PCDH9: variants seen among roughly 807,000 people sequenced by gnomAD.
PCDH9 encodes the protein protocadherin 9, also known as protocadherin-9.
Under a neutral mutation model 70.6 loss-of-function variants are expected in PCDH9, and 24 were observed. The observed-to-expected ratio is 0.34, with a 90% CI of 0.25 to 0.48. The LOEUF is 0.48. Ranked by LOEUF, PCDH9 falls within the 20% of genes least tolerant of loss-of-function variation. The pLI is 0.99. For synonymous variants in PCDH9, 562 were observed against 558.5 expected (o/e 1.01, Z -0.09); for missense variants, 1,281 against 1,503.6 (o/e 0.85, Z 2.45).
At chr13:67,020,044 T>C (rs1246861318) in intron 2 of PCDH9, among the ~76,000 whole-genome samples, 1 of 152,246 alleles carries the variant, frequency 6.6e-6, no homozygotes, top group Non-Finnish European at 1.5e-5. Flanking sequence ...TTCCTGCAAG[T>C]AAACCTTTGA....
At position 66,610,158 on chromosome 13, in the gene PCDH9, A is replaced by G. The variant is rs533958015; in HGVS notation, c.3340+21052T>C. On this transcript the variant is annotated intron_variant, in intron 4 of 4. Coordinates refer to ENST00000377865, the MANE Select transcript of PCDH9 (RefSeq NM_203487.3). ...AGATCTTGTTCATCATGCTTTGCTT[A>G]TATTATTACTAATGCATCAAATATC... 7.4e-4 allele frequency among the ~76,000 whole-genome samples: 113 copies of G among 152,098 alleles called. 1 individual carries two copies. Among genetic ancestry groups the G allele is most frequent in the African/African-American group, 2.6e-3 (109 of 41,492 alleles).
At chr13:67,134,075 TAAC>T (rs1347562351) in intron 2 of PCDH9, among the ~76,000 whole-genome samples, 1 of 152,140 alleles carries the variant, frequency 6.6e-6, no homozygotes, top group Non-Finnish European at 1.5e-5. Context: ...TTGAACAATT[TAAC>T]TTCTCATAAT....
chr13:66,751,251 C>G lies in PCDH9; in HGVS notation c.3139-119840G>C, dbSNP rs183684386. ...TTTTATAGATACATGAAAAGAATTG[C>G]CCCTGGCTCAATTCTTCTATCTCCT... On this transcript the variant is annotated intron_variant, in intron 3 of 4. Coordinates refer to ENST00000377865, the MANE Select transcript of PCDH9 (RefSeq NM_203487.3). 3.0e-3 allele frequency among the ~76,000 whole-genome samples: 452 copies of G among 152,040 alleles called. 1 individual carries two copies. Among genetic ancestry groups the G allele is most frequent in the Non-Finnish European group, 4.5e-3 (303 of 67,976 alleles).
In PCDH9 at chr13:66,676,512, C is replaced by G. The variant is rs960628659; in HGVS notation, c.3139-45101G>C. On this transcript the variant is annotated intron_variant, in intron 3 of 4. Transcript: ENST00000377865. ...TAATTCTTATATGACTTAAGATATA[C>G]GCTTCAAACTTGGAAAGTTGTAGAG... Among the ~76,000 whole-genome samples the G allele has an allele frequency of 9.2e-5, 14 of 152,152 alleles. No individual in the cohort carries two copies. In the East Asian group the frequency reaches 2.7e-3, roughly 29 times the overall value.
chr13:66,543,113 T>C (rs1025558658), intron 4 of PCDH9, among the ~76,000 whole-genome samples: 2 of 152,056 alleles, frequency 1.3e-5, no homozygotes, highest in African/African-American at 4.8e-5. Flanking sequence ...TATATTCTCA[T>C]TAACGTAATG....
intron 2 of PCDH9, among the ~76,000 whole-genome samples, chr13:67,160,502 G>C (rs375291322): frequency 6.6e-6 from 1 of 151,726 alleles, no homozygotes; most frequent in Non-Finnish European, 1.5e-5. Flanking sequence ...AGCTGAGATC[G>C]CGCCACTGCA....
chr13:66,341,011 A>G (rs959992829), intron 4 of PCDH9, among the ~76,000 whole-genome samples: 3 of 152,224 alleles, frequency 2.0e-5, no homozygotes, highest in Non-Finnish European at 2.9e-5. Flanking sequence ...CTATATTCCT[A>G]TAGTAAAATT....
intron 4 of PCDH9, among the ~76,000 whole-genome samples, chr13:66,436,823 C>A (rs1328225358): frequency 3.9e-5 from 6 of 151,988 alleles, no homozygotes; most frequent in Admixed American, 3.9e-4. Flanking sequence ...CAAGACAAAG[C>A]TTCATGAGCA....
At chr13:66,618,912 G>GT (rs1158525229) in intron 4 of PCDH9, among the ~76,000 whole-genome samples, 1 of 152,098 alleles carries the variant, frequency 6.6e-6, no homozygotes, top group Non-Finnish European at 1.5e-5. Context: ...CTTTACACTA[G>GT]GAGGCATAAA....
At chr13:66,984,523 C>A (rs572217004) in intron 2 of PCDH9, among the ~76,000 whole-genome samples, 1 of 152,002 alleles carries the variant, frequency 6.6e-6, no homozygotes, top group South Asian at 2.1e-4. Flanking sequence ...ATCACTGAAA[C>A]CATCTGGTCT....
chr13:66,773,258 A>G (rs893335913), intron 3 of PCDH9, among the ~76,000 whole-genome samples: 7 of 152,192 alleles, frequency 4.6e-5, no homozygotes, highest in Non-Finnish European at 8.8e-5. Flanking sequence ...GTGCTCTCCA[A>G]TACAGTAGCT....
intron 3 of PCDH9, among the ~76,000 whole-genome samples, chr13:66,889,124 C>T (rs192715930): frequency 2.5e-3 from 383 of 152,136 alleles, no homozygotes; most frequent in Non-Finnish European, 4.0e-3. Flanking sequence ...TGGCCATAAG[C>T]GAGTAGATAG....
At chr13:66,955,438 A>G (rs891669999) in intron 2 of PCDH9, among the ~76,000 whole-genome samples, 1 of 152,232 alleles carries the variant, frequency 6.6e-6, no homozygotes, top group Non-Finnish European at 1.5e-5. Context: ...TTTAAAGGTT[A>G]TCAAGCACAT....
intron 4 of PCDH9, among the ~76,000 whole-genome samples, chr13:66,616,047 G>A (rs370106742): frequency 6.6e-6 from 1 of 152,192 alleles, no homozygotes; most frequent in Non-Finnish European, 1.5e-5. Flanking sequence ...TTACAGAGCC[G>A]ATAGAAGCCC....
chr13:66,768,581 A>G (rs2079756490), intron 3 of PCDH9, among the ~76,000 whole-genome samples: 1 of 152,120 alleles, frequency 6.6e-6, no homozygotes, highest in South Asian at 2.1e-4. Context: ...AATATTTTTA[A>G]CAGCTTAGAA....
intron 4 of PCDH9, among the ~76,000 whole-genome samples, chr13:66,329,480 C>G (rs166502): frequency 0.019 from 2,941 of 152,270 alleles, 97 homozygotes; most frequent in African/African-American, 0.066. Context: ...CAGCCCTGTT[C>G]CCCTAAGGAA....
At chr13:66,757,425 G>A (rs190372826) in intron 3 of PCDH9, among the ~76,000 whole-genome samples, 32 of 152,252 alleles carry the variant, frequency 2.1e-4, no homozygotes, top group African/African-American at 7.7e-4. Flanking sequence ...AGTTCCACCA[G>A]TAACATAGCT....
intron 2 of PCDH9, among the ~76,000 whole-genome samples, chr13:67,188,583 T>C (rs577095651): frequency 1.1e-4 from 16 of 152,050 alleles, no homozygotes; most frequent in Non-Finnish European, 2.4e-4. Flanking sequence ...TTTAATGAAA[T>C]ATTTGGAATC....
At chr13:66,457,751 A>G (rs1017474629) in intron 4 of PCDH9, among the ~76,000 whole-genome samples, 55 of 152,002 alleles carry the variant, frequency 3.6e-4, no homozygotes, top group African/African-American at 1.3e-3. Flanking sequence ...AACTGTTGGG[A>G]TTTCAATACC....
Sources: allele counts gnomAD v4.1 joint callset (sites outside exome capture counted in the v4.1 genomes callset), GRCh38; gene constraint gnomAD v4.1.1; transcripts MANE v1.5; gene names NCBI Gene and HGNC (gene_info 2026-07-23, HGNC 2026-07-21).